ZNF83: variants seen among roughly 807,000 people sequenced by gnomAD.
The protein encoded by ZNF83 is zinc finger protein 83, also known as zinc finger protein 816B.
For synonymous variants in ZNF83, 209 were observed against 213.0 expected (o/e 0.98, Z 0.17); for missense variants, 552 against 629.9 (o/e 0.88, Z 1.32).
chr19:52,677,490 AG>A (rs1719394943), intron 1 of ZNF83, among the ~76,000 whole-genome samples: 1 of 151,822 alleles, frequency 6.6e-6, no homozygotes, highest in Non-Finnish European at 1.5e-5. Context: ...TGTCTCAAAA[AG>A]AAAAAAAGAA....
intron 1 of ZNF83, among the ~76,000 whole-genome samples, chr19:52,685,883 G>T (rs952051174): frequency 3.8e-5 from 5 of 130,142 alleles, no homozygotes; most frequent in Non-Finnish European, 6.3e-5. Flanking sequence ...TGGGGAACAA[G>T]AGTGTAACTG....
At chr19:52,673,073 TG>T (rs1378023854) in intron 1 of ZNF83, among the ~76,000 whole-genome samples, 1 of 151,908 alleles carries the variant, frequency 6.6e-6, no homozygotes, top group East Asian at 1.9e-4. Flanking sequence ...CAAAAAAAAC[TG>T]GATGTGAGCC....
At chr19:52,653,240 C>T in intron 3 of ZNF83, 1 of 1,533,406 alleles carries the variant, frequency 6.5e-7, no homozygotes, top group Non-Finnish European at 9.0e-7. Flanking sequence ...TAAGGTTTCT[C>T]TCCAGTATGA....
intron 2 of ZNF83, among the ~76,000 whole-genome samples, chr19:52,634,539 G>T (rs1431877031): frequency 6.6e-6 from 1 of 152,008 alleles, no homozygotes; most frequent in Non-Finnish European, 1.5e-5. Context: ...GCATGTCTGT[G>T]TATGAACTTT....
chr19:52,621,407 A>C (rs2060538691), intron 2 of ZNF83, among the ~76,000 whole-genome samples: 1 of 152,208 alleles, frequency 6.6e-6, no homozygotes, highest in Non-Finnish European at 1.5e-5. Context: ...CATGAACCCA[A>C]AACTCCAGCG....
intron 1 of ZNF83, among the ~76,000 whole-genome samples, chr19:52,664,438 G>A (rs986823718): frequency 6.6e-6 from 1 of 152,050 alleles, no homozygotes; most frequent in Non-Finnish European, 1.5e-5. Flanking sequence ...TTATGCTGCG[G>A]TGAGCTCTGA....
intron 1 of ZNF83, among the ~76,000 whole-genome samples, chr19:52,687,574 AATT>A (rs1388303058): frequency 1.2e-3 from 42 of 36,124 alleles, no homozygotes; most frequent in African/African-American, 3.4e-3. Flanking sequence ...TATATATATA[AATT>A]TTATATATAT....
chr19:52,662,051 T>TCCTG (rs142199050), intron 1 of ZNF83, among the ~76,000 whole-genome samples: 11,604 of 151,874 alleles, frequency 0.076, 1,119 homozygotes, highest in East Asian at 0.4. Context: ...ATCAGGGAGG[T>TCCTG]CCTGGGAGCA....
intron 2 of ZNF83, among the ~76,000 whole-genome samples, chr19:52,630,989 G>C (rs34967834): frequency 0.078 from 11,437 of 147,118 alleles, 676 homozygotes; most frequent in African/African-American, 0.14. Context: ...CTCAGTACCT[G>C]CCTCTACTAC....
At chr19:52,647,644 T>G (rs764807419) in intron 3 of ZNF83, among the ~76,000 whole-genome samples, 7 of 151,748 alleles carry the variant, frequency 4.6e-5, no homozygotes, top group Non-Finnish European at 1.0e-4. Context: ...TCTCCCCTTC[T>G]CTCTCTAGCT....
At chr19:52,630,808 C>T (rs549252320) in intron 2 of ZNF83, among the ~76,000 whole-genome samples, 3 of 152,216 alleles carry the variant, frequency 2.0e-5, no homozygotes, top group Non-Finnish European at 2.9e-5. Flanking sequence ...TGTTATCACT[C>T]GCCTGTTACA....
At chr19:52,627,321 GT>G (rs1464709699) in intron 2 of ZNF83, among the ~76,000 whole-genome samples, 2 of 151,936 alleles carry the variant, frequency 1.3e-5, no homozygotes, top group African/African-American at 4.8e-5. Context: ...TGACACTGCA[GT>G]CTAGTTGAGG....
intron 1 of ZNF83, among the ~76,000 whole-genome samples, chr19:52,688,479 T>G (rs1394949964): frequency 1.3e-5 from 2 of 152,000 alleles, no homozygotes; most frequent in African/African-American, 4.8e-5. Context: ...CAGCCTCTCT[T>G]TCTTCATTAC....
chr19:52,630,943 C>T (rs1263489531), intron 2 of ZNF83, among the ~76,000 whole-genome samples: 2 of 150,690 alleles, frequency 1.3e-5, no homozygotes, highest in Non-Finnish European at 2.9e-5. Flanking sequence ...TTTTGCCTAT[C>T]CACCCCATGG....
At position 52,614,108 on chromosome 19, in the gene ZNF83, C is replaced by A. The variant is rs1336186019; in HGVS notation, c.457G>T (p.Glu153Ter). ...ATATTATGGAAGACCTTGCCACATT[C>A]ATTACATTTATATGGCTTCTCTCCA... The change falls in exon 3 of 3, where the codon GAA becomes TAA. Residue 153 changes from glutamate (E) to a stop codon, truncating the protein, a stop_gained. Transcript: ENST00000301096. LOFTEE classifies it low-confidence loss of function (END_TRUNC). The A allele has an allele frequency of 6.2e-7, 1 of 1,613,758 alleles. No homozygotes were observed. The highest frequency in any genetic ancestry group is 8.5e-7 in the Non-Finnish European group (1 of 1,179,834).
intron 1 of ZNF83, among the ~76,000 whole-genome samples, chr19:52,668,420 T>A (rs12609383): frequency 0.35 from 52,885 of 151,990 alleles, 9,783 homozygotes; most frequent in East Asian, 0.56. Context: ...TCCCAGTGCT[T>A]ATATCCATTA....
intron 1 of ZNF83, among the ~76,000 whole-genome samples, chr19:52,679,308 T>C (rs2061869546): frequency 6.6e-6 from 1 of 152,088 alleles, no homozygotes; most frequent in Non-Finnish European, 1.5e-5. Flanking sequence ...GCTTCTATGA[T>C]GCTCCTCAAA....
intron 1 of ZNF83, among the ~76,000 whole-genome samples, chr19:52,684,930 C>T (rs930698760): frequency 6.6e-6 from 1 of 152,132 alleles, no homozygotes; most frequent in South Asian, 2.1e-4. Flanking sequence ...CTGGGGAACA[C>T]GGGAAGCCGG....
intron 1 of ZNF83, among the ~76,000 whole-genome samples, chr19:52,664,335 G>A (rs1415709949): frequency 1.3e-5 from 2 of 151,986 alleles, no homozygotes; most frequent in South Asian, 4.2e-4. Flanking sequence ...GTCTCTATGA[G>A]GAACACAAAA....
Sources: allele counts gnomAD v4.1 joint callset (sites outside exome capture counted in the v4.1 genomes callset), GRCh38; gene constraint gnomAD v4.1.1; transcripts MANE v1.5; gene names NCBI Gene and HGNC (gene_info 2026-07-23, HGNC 2026-07-21).